REEP1: variants seen among roughly 807,000 people sequenced by gnomAD.
The protein encoded by REEP1 is receptor accessory protein 1.
A neutral mutation model predicts 40.3 loss-of-function variants in REEP1; 22 were observed. The observed-to-expected ratio is 0.55, with a 90% CI of 0.39 to 0.78. The LOEUF (loss-of-function observed/expected upper bound fraction) is 0.78, where lower values mean the gene tolerates loss of function less well. Ranked by LOEUF, REEP1 falls within the 30% of genes least tolerant of loss-of-function variation. The pLI is 0.00. For missense variants in REEP1, 280 were observed against 361.1 expected (o/e 0.78, Z 1.82); for synonymous variants, 116 against 139.2 (o/e 0.83, Z 1.17).
intron 1 of REEP1, among the ~76,000 whole-genome samples, chr2:86,328,620 A>T (rs1468566505): frequency 6.6e-6 from 1 of 152,246 alleles, no homozygotes; most frequent in Admixed American, 6.5e-5. Context: ...TGGAGACTGC[A>T]GTGAGCCAAG....
At chr2:86,318,124 T>C (rs74988759) in intron 1 of REEP1, among the ~76,000 whole-genome samples, 4,590 of 152,322 alleles carry the variant, frequency 0.03, 118 homozygotes, top group East Asian at 0.07. Context: ...TTAATGCATA[T>C]GGATTTTGGA....
intron 1 of REEP1, among the ~76,000 whole-genome samples, chr2:86,284,833 C>T: frequency 6.6e-6 from 1 of 152,216 alleles, no homozygotes; most frequent in East Asian, 1.9e-4. Flanking sequence ...CTGGACTCTT[C>T]TGGAGTGAGC....
At chr2:86,240,082 G>C (rs1490950635) in intron 5 of REEP1, 1 of 152,596 alleles carries the variant, frequency 6.6e-6, no homozygotes, top group Non-Finnish European at 1.5e-5. Flanking sequence ...CTGATAAAGG[G>C]GAAAAGGAGA....
chr2:86,297,696 C>A lies in REEP1; in HGVS notation c.33-15454G>T, dbSNP rs116222293. 4,058 of 985,206 alleles carry A rather than the reference C, an allele frequency of 4.1e-3. 88 individuals are homozygous for A. In the African/African-American group the frequency reaches 0.054, roughly 13 times the overall value. 61.0% of individuals were successfully genotyped at this position (985,206 alleles called of 1,614,324 possible). ...TTCCAAGGTGGATGTTTTCTGAAGC[C>A]ATGGGGAGGAGCGTCACTGTCTCAG... On this transcript the variant is annotated intron_variant, in intron 1 of 8. Transcript: ENST00000538924.
At chr2:86,314,427 A>G (rs948091596) in intron 1 of REEP1, among the ~76,000 whole-genome samples, 2 of 152,016 alleles carry the variant, frequency 1.3e-5, no homozygotes, top group African/African-American at 2.4e-5. Context: ...CAGAGTTTGG[A>G]TCCCAGCCTC....
intron 7 of REEP1, chr2:86,223,823 G>C (rs945562043): frequency 4.6e-5 from 7 of 152,012 alleles, no homozygotes; most frequent in Admixed American, 2.0e-4. Flanking sequence ...ATTTTAAAAG[G>C]GGGGGAGGGA....
Position 86,216,530 on chromosome 2 carries a change from A to C in REEP1, c.*509T>G, listed in dbSNP as rs145058780. On this transcript the variant is annotated 3_prime_UTR_variant, in exon 9 of 9. Coordinates refer to ENST00000538924, the MANE Select transcript of REEP1 (RefSeq NM_001371279.1). ...ATATTTGTTTTTGCAGTTTTCTTAC[A>C]TATCAGAACCTCTGGCAGCCCTTGC... The C allele has an allele frequency of 3.9e-5, 6 of 153,580 alleles. No individual in the cohort carries two copies. Among genetic ancestry groups the C allele is most frequent in the Admixed American group, 2.6e-4 (4 of 15,526 alleles). The allele number at this position is 153,580 out of a possible 1,614,324, so 9.5% of individuals were successfully genotyped here. A position where few individuals can be genotyped will look rare whatever the true frequency, so the allele number is the denominator to read the frequency against.
At chr2:86,295,378 A>G (rs1396960575) in intron 1 of REEP1, among the ~76,000 whole-genome samples, 1 of 152,152 alleles carries the variant, frequency 6.6e-6, no homozygotes, top group Admixed American at 6.5e-5. Flanking sequence ...TGCAATACAG[A>G]CCCTGTGTAA....
At chr2:86,234,024 G>C (rs1384135495) in intron 5 of REEP1, among the ~76,000 whole-genome samples, 1 of 152,080 alleles carries the variant, frequency 6.6e-6, no homozygotes, top group Non-Finnish European at 1.5e-5. Flanking sequence ...CAAAACAGTT[G>C]AGTAAGAGGT....
At chr2:86,331,505 T>G in intron 1 of REEP1, among the ~76,000 whole-genome samples, 1 of 148,258 alleles carries the variant, frequency 6.7e-6, no homozygotes. Flanking sequence ...CTTTGAGCTG[T>G]GATCAGTGAA....
intron 8 of REEP1, 43 bp from the exon 9 acceptor site, chr2:86,217,153 T>C: frequency 6.4e-7 from 1 of 1,557,942 alleles, no homozygotes; most frequent in Non-Finnish European, 8.9e-7. Context: ...TTGGTGTAAA[T>C]GTGGGATCTT....
At chr2:86,226,798 C>G (rs1324509238) in intron 7 of REEP1, among the ~76,000 whole-genome samples, 1 of 152,090 alleles carries the variant, frequency 6.6e-6, no homozygotes, top group Non-Finnish European at 1.5e-5. Context: ...GATATCTCCA[C>G]ACATTCTTTG....
chr2:86,308,884 A>T (rs1298076414), intron 1 of REEP1, among the ~76,000 whole-genome samples: 1 of 152,182 alleles, frequency 6.6e-6, no homozygotes, highest in Non-Finnish European at 1.5e-5. Context: ...ACCCCAAGGC[A>T]GCTGGGCCTT....
intron 1 of REEP1, among the ~76,000 whole-genome samples, chr2:86,291,924 A>T (rs1678724693): frequency 2.0e-5 from 3 of 152,206 alleles, no homozygotes; most frequent in Admixed American, 2.0e-4. Context: ...CATTCTGTAA[A>T]TTTCCAATTG....
chr2:86,333,828 A>G (rs1215463537), intron 1 of REEP1, among the ~76,000 whole-genome samples: 1 of 152,262 alleles, frequency 6.6e-6, no homozygotes, highest in Non-Finnish European at 1.5e-5. Flanking sequence ...CCATGAAGGT[A>G]TCAACCTGGT....
chr2:86,248,702 G>A (rs189881001), intron 5 of REEP1, among the ~76,000 whole-genome samples: 84 of 152,128 alleles, frequency 5.5e-4, no homozygotes, highest in Admixed American at 2.0e-4. Context: ...CTCCCACCTC[G>A]GCCTCCCAAA....
At chr2:86,219,780 T>G (rs1351943597) in intron 8 of REEP1, among the ~76,000 whole-genome samples, 190 bp downstream of exon 8, 11 of 152,202 alleles carry the variant, frequency 7.2e-5, no homozygotes, top group Admixed American at 2.0e-4. Flanking sequence ...TAATAGGATT[T>G]CCTCTCCTTG....
chr2:86,250,625 C>T, intron 5 of REEP1, among the ~76,000 whole-genome samples: 1 of 152,084 alleles, frequency 6.6e-6, no homozygotes, highest in Non-Finnish European at 1.5e-5. Flanking sequence ...CCTGGACCCC[C>T]AACCCCGAGA....
At chr2:86,327,607 G>A (rs148996792) in intron 1 of REEP1, among the ~76,000 whole-genome samples, 5 of 145,156 alleles carry the variant, frequency 3.4e-5, no homozygotes, top group African/African-American at 1.0e-4. Flanking sequence ...TCGCTCTGCC[G>A]CCCAGGCTGG....
Sources: allele counts gnomAD v4.1 joint callset (sites outside exome capture counted in the v4.1 genomes callset), GRCh38; gene constraint gnomAD v4.1.1; transcripts MANE v1.5; gene names NCBI Gene and HGNC (gene_info 2026-07-23, HGNC 2026-07-21).